ZNF423: variants seen among roughly 807,000 people sequenced by gnomAD.
The protein encoded by ZNF423 is zinc finger protein 423, also known as Ebf-associated zinc finger protein.
In ZNF423, 12 loss-of-function variants were observed where a neutral mutation model predicts 95.8. The observed-to-expected ratio is 0.13, with a 90% confidence interval of 0.08 to 0.20. The LOEUF is 0.20. Among genes scored for constraint, ZNF423 ranks in the 10% least tolerant of loss-of-function variants. The probability of loss-of-function intolerance (pLI) is 1.00; values close to 1 mark genes in which losing one functional copy is unlikely to be tolerated. For synonymous variants in ZNF423, 749 were observed against 711.9 expected (o/e 1.05, Z -0.83); for missense variants, 1,316 against 1,737.1 (o/e 0.76, Z 4.31).
intron 1 of ZNF423, among the ~76,000 whole-genome samples, chr16:49,852,405 G>A (rs906965477): frequency 1.3e-5 from 2 of 152,180 alleles, no homozygotes; most frequent in African/African-American, 4.8e-5. Context: ...AAATGAAGAG[G>A]CTGTTGCATG....
chr16:49,851,158 T>C (rs999764419), intron 1 of ZNF423, among the ~76,000 whole-genome samples: 1 of 152,238 alleles, frequency 6.6e-6, no homozygotes, highest in Admixed American at 6.5e-5. Context: ...TACCGTTGTT[T>C]TATTTTTAAA....
At chr16:49,857,434 T>G (rs2035383632), upstream of ZNF423, among the ~76,000 whole-genome samples, 1 of 151,968 alleles carries the variant, frequency 6.6e-6, no homozygotes, top group Non-Finnish European at 1.5e-5. This position sits in a 1 kb window ranked among gnomAD's most constrained non-coding sequence, Gnocchi z 6.2. Context: ...CACGCGGCTG[T>G]CAAGCTCGCC....
chr16:49,532,976 C>G (rs1040375351), intron 5 of ZNF423, among the ~76,000 whole-genome samples: 24 of 152,136 alleles, frequency 1.6e-4, no homozygotes, highest in Admixed American at 8.5e-4. Context: ...GCCAATTCCA[C>G]GCATGGGCAC....
At chr16:49,771,257 C>A (rs1367232990) in intron 2 of ZNF423, among the ~76,000 whole-genome samples, 1 of 130,420 alleles carries the variant, frequency 7.7e-6, no homozygotes, top group Non-Finnish European at 1.5e-5. Flanking sequence ...GGCTGGAGTG[C>A]AATGGTGTGA....
At chr16:49,691,402 GA>G (rs1026857350) in intron 3 of ZNF423, among the ~76,000 whole-genome samples, 1 of 152,208 alleles carries the variant, frequency 6.6e-6, no homozygotes, top group Non-Finnish European at 1.5e-5. Context: ...GCAAGTTACT[GA>G]ACATCTCTGA....
At chr16:49,498,939 A>C (rs941550681) in intron 7 of ZNF423, among the ~76,000 whole-genome samples, 2 of 152,206 alleles carry the variant, frequency 1.3e-5, no homozygotes, top group African/African-American at 4.8e-5. Flanking sequence ...ATGAATACTC[A>C]GAACACAATT....
At chr16:49,671,433 G>A (rs1011282799) in intron 3 of ZNF423, among the ~76,000 whole-genome samples, 3 of 152,190 alleles carry the variant, frequency 2.0e-5, no homozygotes, top group African/African-American at 2.4e-5. Flanking sequence ...GCGTCCACCC[G>A]CTACAGGGTG....
chr16:49,791,663 G>T (rs2034415694), intron 1 of ZNF423, among the ~76,000 whole-genome samples: 1 of 152,044 alleles, frequency 6.6e-6, no homozygotes, highest in Non-Finnish European at 1.5e-5. Context: ...GAAAGAAAAA[G>T]CACAAAAAAT....
chr16:49,665,923 A>G (rs2030519218), intron 3 of ZNF423, among the ~76,000 whole-genome samples: 1 of 152,248 alleles, frequency 6.6e-6, no homozygotes, highest in Non-Finnish European at 1.5e-5. Context: ...CTGCATCTGT[A>G]ACCACTGAAC....
chr16:49,790,375 C>G (rs1470602559), intron 1 of ZNF423, among the ~76,000 whole-genome samples: 1 of 152,246 alleles, frequency 6.6e-6, no homozygotes, highest in Non-Finnish European at 1.5e-5. Flanking sequence ...GCACACTGAG[C>G]CAGGCACTGT....
At chr16:49,816,574 G>T (rs771028860) in intron 1 of ZNF423, among the ~76,000 whole-genome samples, 5 of 152,118 alleles carry the variant, frequency 3.3e-5, no homozygotes, top group African/African-American at 4.8e-5. Flanking sequence ...GATTGCCTGA[G>T]CCCAGGAGTT....
intron 7 of ZNF423, among the ~76,000 whole-genome samples, chr16:49,511,919 C>T (rs74019114): frequency 0.021 from 3,122 of 152,234 alleles, 96 homozygotes; most frequent in African/African-American, 0.069. Context: ...TCAGGCTCCA[C>T]AGTGCCCCTT....
intron 1 of ZNF423, among the ~76,000 whole-genome samples, chr16:49,840,705 G>A (rs1408779330): frequency 1.3e-5 from 2 of 151,754 alleles, no homozygotes; most frequent in Admixed American, 6.6e-5. Flanking sequence ...ACACACTCTC[G>A]CATGCATCCA....
chr16:49,737,585 G>A (rs932689018), intron 2 of ZNF423, among the ~76,000 whole-genome samples: 5 of 152,246 alleles, frequency 3.3e-5, no homozygotes, highest in African/African-American at 1.2e-4. Flanking sequence ...CCACTATACG[G>A]AAAGGCAGAA....
At chr16:49,752,816 G>C (rs2033656845) in intron 2 of ZNF423, among the ~76,000 whole-genome samples, 1 of 152,212 alleles carries the variant, frequency 6.6e-6, no homozygotes, top group South Asian at 2.1e-4. Context: ...AGAGAGGGTA[G>C]CATGAGCCTC....
intron 5 of ZNF423, among the ~76,000 whole-genome samples, chr16:49,625,769 C>T (rs765399037): frequency 1.1e-4 from 16 of 152,194 alleles, no homozygotes; most frequent in East Asian, 1.9e-4. Flanking sequence ...ACTTTGTAAG[C>T]GTTCTGTTTT....
In ZNF423 at chr16:49,700,260, T is replaced by C. The variant is rs558237962; in HGVS notation, c.301+30511A>G. 4.9e-5 allele frequency among the ~76,000 whole-genome samples: 7 copies of C among 142,738 alleles called. No individual in the cohort carries two copies. The East Asian group carries it at 1.4e-3, about 29-fold the overall frequency. 93.6% of individuals were successfully genotyped at this position (142,738 alleles called of 152,430 possible). On this transcript the variant is annotated intron_variant, in intron 3 of 7. Transcript: ENST00000563137. ...AAAAAAGAAAAAGAAAAAAGCAGAA[T>C]GCACTCCAACCCCAAGCTACTTGGA...
chr16:49,497,590 C>T (rs192299505), intron 7 of ZNF423, among the ~76,000 whole-genome samples: 257 of 152,324 alleles, frequency 1.7e-3, no homozygotes, highest in African/African-American at 6.0e-3. Context: ...CACATCACCT[C>T]ACTGTGATTT....
At chr16:49,624,826 G>A (rs1037587454) in intron 5 of ZNF423, among the ~76,000 whole-genome samples, 1 of 152,166 alleles carries the variant, frequency 6.6e-6, no homozygotes, top group African/African-American at 2.4e-5. Context: ...CATCAGCATC[G>A]TGATGACCTG....
Sources: allele counts gnomAD v4.1 joint callset (sites outside exome capture counted in the v4.1 genomes callset), GRCh38; gene constraint gnomAD v4.1.1; non-coding constraint Gnocchi (gnomAD v3.1); transcripts MANE v1.5; gene names NCBI Gene and HGNC (gene_info 2026-07-23, HGNC 2026-07-21).